Variants in PAQR5 observed in about 807,000 individuals in gnomAD.
PAQR5 encodes progestin and adipoQ receptor family member 5, also known as membrane progestin receptor gamma.
A neutral mutation model predicts 34.5 loss-of-function variants in PAQR5; 20 were observed. The ratio of observed to expected loss-of-function variants is 0.58; its 90% CI spans 0.41 to 0.84. PAQR5 has a LOEUF of 0.84. Among genes scored for constraint, PAQR5 ranks in the 40% least tolerant of loss-of-function variants. PAQR5 has a pLI of 0.00. For missense variants in PAQR5, 378 were observed against 412.7 expected (o/e 0.92, Z 0.73); for synonymous variants, 131 against 155.6 (o/e 0.84, Z 1.18).
At chr15:69,335,464 C>T (rs369107345) in intron 1 of PAQR5, among the ~76,000 whole-genome samples, 20 of 150,430 alleles carry the variant, frequency 1.3e-4, no homozygotes, top group African/African-American at 4.4e-4. Flanking sequence ...AGGCTGGTCT[C>T]GAACTCCCCA....
chr15:69,364,568 T>G (rs965428832), intron 3 of PAQR5, among the ~76,000 whole-genome samples: 2 of 117,792 alleles, frequency 1.7e-5, no homozygotes, highest in East Asian at 6.8e-4. Flanking sequence ...CGAGTTGTGA[T>G]AGCAGGCATC....
chr15:69,364,733 C>T (rs1367678490), intron 3 of PAQR5, among the ~76,000 whole-genome samples: 1 of 151,098 alleles, frequency 6.6e-6, no homozygotes, highest in Non-Finnish European at 1.5e-5. Flanking sequence ...GATTTTTTCC[C>T]TCATAATTTT....
chr15:69,319,087 T>C (rs1263604523), intron 1 of PAQR5, among the ~76,000 whole-genome samples: 3 of 149,868 alleles, frequency 2.0e-5, no homozygotes, highest in South Asian at 2.1e-4. Context: ...TGAGCCAAGA[T>C]TGTGCCACTG....
chr15:69,342,251 A>G (rs2054661508), intron 2 of PAQR5, among the ~76,000 whole-genome samples: 1 of 150,630 alleles, frequency 6.6e-6, no homozygotes, highest in African/African-American at 2.4e-5. Flanking sequence ...CCATGTGCCT[A>G]TTGGTTGTTT....
intron 5 of PAQR5, among the ~76,000 whole-genome samples, chr15:69,387,635 G>C (rs1595927930): frequency 1.3e-5 from 2 of 152,192 alleles, no homozygotes; most frequent in Admixed American, 6.5e-5. Context: ...AGGCACTGTG[G>C]AGGTAAGTGA....
chr15:69,302,759 A>G (rs2053632545), intron 1 of PAQR5, among the ~76,000 whole-genome samples: 2 of 152,078 alleles, frequency 1.3e-5, no homozygotes, highest in African/African-American at 4.8e-5. Flanking sequence ...ACTGGGGCTC[A>G]AGCCCGTGAA....
intron 2 of PAQR5, among the ~76,000 whole-genome samples, chr15:69,340,237 A>G (rs2054609908): frequency 6.6e-6 from 1 of 152,068 alleles, no homozygotes; most frequent in Non-Finnish European, 1.5e-5. Context: ...GTCATAATCT[A>G]GTATACACAT....
intron 1 of PAQR5, among the ~76,000 whole-genome samples, chr15:69,311,526 TCTGAATCACTTC>T (rs2053833978): frequency 6.6e-6 from 1 of 152,200 alleles, no homozygotes; most frequent in Admixed American, 6.5e-5. Context: ...AAATCCATGC[TCTGAATCACTTC>T]CTTATCTAAC....
Position 69,405,214 on chromosome 15 carries a change from C to G in PAQR5, c.*1392C>G, listed in dbSNP as rs2056736433. On this transcript the variant is annotated 3_prime_UTR_variant, in exon 9 of 9. Coordinates refer to ENST00000395407, the MANE Select transcript of PAQR5 (RefSeq NM_017705.4). Reference sequence around the variant, plus strand: ...TGACAGAGGCCCATCAAACCCAGATCTGCACTTGGTAATGACTTAGGGGGG... The same window carrying G: ...TGACAGAGGCCCATCAAACCCAGATGTGCACTTGGTAATGACTTAGGGGGG... 1 of 380,364 alleles carries G rather than the reference C, an allele frequency of 2.6e-6. No individual in the cohort carries two copies. Among genetic ancestry groups the G allele is most frequent in the Non-Finnish European group, 4.6e-6 (1 of 215,076 alleles). The allele number at this position is 380,364 out of a possible 1,614,324, so 23.6% of individuals were successfully genotyped here.
intron 3 of PAQR5, among the ~76,000 whole-genome samples, chr15:69,361,861 G>A (rs2055242514): frequency 6.6e-6 from 1 of 152,138 alleles, no homozygotes; most frequent in African/African-American, 2.4e-5. Flanking sequence ...GTGATCTGAG[G>A]GGTGGACAGG....
At chr15:69,300,441 C>T (rs2053507928) in intron 1 of PAQR5, among the ~76,000 whole-genome samples, 2 of 152,128 alleles carry the variant, frequency 1.3e-5, no homozygotes, top group African/African-American at 4.8e-5. Context: ...AGAAAGGGCA[C>T]TCTGAAAAGT....
chr15:69,382,659 C>CATATAT (rs59064870), intron 4 of PAQR5, among the ~76,000 whole-genome samples: 1 of 91,266 alleles, frequency 1.1e-5, no homozygotes, highest in Non-Finnish European at 2.0e-5. Context: ...AAAAAAAAAG[C>CATATAT]ATATATATAT....
At chr15:69,309,902 G>A (rs2053793026) in intron 1 of PAQR5, among the ~76,000 whole-genome samples, 1 of 152,044 alleles carries the variant, frequency 6.6e-6, no homozygotes, top group Admixed American at 6.6e-5. Context: ...ACAAAAATTA[G>A]CCAGGCATGA....
intron 1 of PAQR5, among the ~76,000 whole-genome samples, chr15:69,304,249 C>T (rs2053667320): frequency 6.6e-6 from 1 of 152,158 alleles, no homozygotes; most frequent in African/African-American, 2.4e-5. Flanking sequence ...TGCACTACTG[C>T]CCTGGCCTTC....
chr15:69,403,553 T>C (rs773350642), intron 8 of PAQR5, 28 bp from the exon 9 acceptor site: 2 of 1,611,684 alleles, frequency 1.2e-6, no homozygotes, highest in Admixed American at 1.7e-5. Flanking sequence ...TCATTGCTGA[T>C]CTTGACGGCC....
rs1166751656 is a variant in PAQR5, at chr15:69,319,150, AATATATACATATATATATATAT to A, written c.-276-18183_-276-18162del. ...CTCCATTTCAAAAAATATATATATA[AATATATACATATATATATATAT>A]ATATATATATATATATATATATATA... On this transcript the variant is annotated intron_variant, in intron 1 of 8. Coordinates refer to ENST00000395407, the MANE Select transcript of PAQR5 (RefSeq NM_017705.4). Among the ~76,000 whole-genome samples, 6 of 96,772 alleles carry A rather than the reference AATATATACATATATATATATAT, an allele frequency of 6.2e-5. No homozygotes were observed. In the East Asian group the frequency reaches 1.7e-3, roughly 27 times the overall value. 63.5% of individuals were successfully genotyped at this position (96,772 alleles called of 152,430 possible).
At chr15:69,336,861 T>TAATTGTTATGTAA (rs2054525993) in intron 1 of PAQR5, among the ~76,000 whole-genome samples, 1 of 152,248 alleles carries the variant, frequency 6.6e-6, no homozygotes, top group Non-Finnish European at 1.5e-5. Flanking sequence ...TTAATAATTA[T>TAATTGTTATGTAA]AATTGTTATG....
chr15:69,314,039 C>A (rs1286871592), intron 1 of PAQR5, among the ~76,000 whole-genome samples: 1 of 152,144 alleles, frequency 6.6e-6, no homozygotes, highest in Non-Finnish European at 1.5e-5. Flanking sequence ...TCACTAATGC[C>A]TCCTGCCTGG....
intron 2 of PAQR5, among the ~76,000 whole-genome samples, chr15:69,353,279 T>C (rs1424807635): frequency 3.9e-5 from 6 of 152,236 alleles, no homozygotes; most frequent in Non-Finnish European, 8.8e-5. Flanking sequence ...GAAGAGGCAG[T>C]GTTTTTTCCT....
Sources: allele counts gnomAD v4.1 joint callset (sites outside exome capture counted in the v4.1 genomes callset), GRCh38; gene constraint gnomAD v4.1.1; transcripts MANE v1.5; gene names NCBI Gene and HGNC (gene_info 2026-07-23, HGNC 2026-07-21).